TENM3: variants seen among roughly 807,000 people sequenced by gnomAD.
TENM3 encodes teneurin transmembrane protein 3.
TENM3 carries 63 observed loss-of-function variants against 255.1 expected under a neutral mutation model. The observed-to-expected ratio is 0.25, with a 90% CI of 0.20 to 0.30. The LOEUF (loss-of-function observed/expected upper bound fraction) is 0.30. TENM3 is among the 10% of genes least tolerant of loss of function. The pLI is 1.00. For synonymous variants in TENM3, 1,306 were observed against 1,322.3 expected, an observed-to-expected ratio of 0.99 and a Z score of 0.27; for missense variants, 2,929 against 3,461.1, an observed-to-expected ratio of 0.85 and a Z score of 3.86.
intron 3 of TENM3, among the ~76,000 whole-genome samples, chr4:182,562,754 G>A (rs556489177): frequency 2.0e-5 from 3 of 152,062 alleles, no homozygotes; most frequent in African/African-American, 7.2e-5. Flanking sequence ...CCAACTTTGT[G>A]GGGGGTGCAA....
chr4:181,601,335 ACTGT>A, the TENM3 span, among the ~76,000 whole-genome samples: 75 of 152,272 alleles, frequency 4.9e-4, 1 homozygote, highest in South Asian at 7.9e-3. Context: ...ACAAAATACC[ACTGT>A]CTGGGTGACT....
chr4:182,757,739 A>G (rs891375376), intron 22 of TENM3, among the ~76,000 whole-genome samples: 12 of 152,246 alleles, frequency 7.9e-5, no homozygotes, highest in African/African-American at 2.9e-4. Flanking sequence ...GACTGGCTGA[A>G]GTAGAGGTTG....
At chr4:181,916,223 T>C in the TENM3 span, among the ~76,000 whole-genome samples, 2 of 152,178 alleles carry the variant, frequency 1.3e-5, no homozygotes, top group African/African-American at 2.4e-5. Flanking sequence ...CCCTCTGATA[T>C]TCTAGGCTAG....
At chr4:182,670,687 A>G (rs1306987789) in intron 6 of TENM3, among the ~76,000 whole-genome samples, 1 of 151,982 alleles carries the variant, frequency 6.6e-6, no homozygotes, top group Non-Finnish European at 1.5e-5. Context: ...TCTCCCTCAA[A>G]CCTCACATTT....
rs114998206 is a variant in TENM3 at position 182,641,230 on chromosome 4, G to A, written c.988+12341G>A. 4.3e-3 allele frequency among the ~76,000 whole-genome samples: 652 copies of A among 152,254 alleles called. 7 individuals carry two copies. Among genetic ancestry groups the A allele is most frequent in the African/African-American group, 0.015 (607 of 41,540 alleles). ...CACACACACGTATACACACACTCAC[G>A]AATCAGTGTCTGTCTCAAATGTAAC... On this transcript the variant is annotated intron_variant, in intron 5 of 27. Transcript: ENST00000511685.
chr4:182,776,445 C>T (rs567320254), intron 24 of TENM3, among the ~76,000 whole-genome samples: 1 of 152,118 alleles, frequency 6.6e-6, no homozygotes, highest in Non-Finnish European at 1.5e-5. Flanking sequence ...GTTATATATT[C>T]CCTGACCCTA....
intron 1 of TENM3, among the ~76,000 whole-genome samples, chr4:182,317,424 C>A (rs1030299556): frequency 6.6e-6 from 1 of 152,080 alleles, no homozygotes; most frequent in Non-Finnish European, 1.5e-5. Context: ...CTCAGCCACC[C>A]AAGTAGCTGG....
At chr4:182,498,692 A>G (rs1414690971) in intron 3 of TENM3, among the ~76,000 whole-genome samples, 1 of 151,896 alleles carries the variant, frequency 6.6e-6, no homozygotes, top group Admixed American at 6.6e-5. Flanking sequence ...CGTCTCTACT[A>G]AAAATACAGA....
chr4:182,609,064 G>C (rs1165356836), intron 4 of TENM3, among the ~76,000 whole-genome samples: 1 of 152,208 alleles, frequency 6.6e-6, no homozygotes, highest in Admixed American at 6.5e-5. Context: ...GGCAACTCTT[G>C]GGGATGGGAC....
At chr4:182,746,216 C>A (rs1762001408) in intron 19 of TENM3, among the ~76,000 whole-genome samples, 1 of 152,118 alleles carries the variant, frequency 6.6e-6, no homozygotes, top group South Asian at 2.1e-4. Context: ...CTTAATCATA[C>A]CCGTGGTCCG....
the TENM3 span, among the ~76,000 whole-genome samples, chr4:181,642,484 A>G: frequency 6.6e-6 from 1 of 151,628 alleles, no homozygotes; most frequent in Non-Finnish European, 1.5e-5. Context: ...GGTAGATCCC[A>G]TTTGTCAATT....
At chr4:182,766,037 C>T (rs1308602657) in intron 22 of TENM3, among the ~76,000 whole-genome samples, 1 of 152,082 alleles carries the variant, frequency 6.6e-6, no homozygotes, top group Non-Finnish European at 1.5e-5. Context: ...TCCAAATGTG[C>T]CACCTACTTT....
chr4:181,494,582 G>A, the TENM3 span, among the ~76,000 whole-genome samples: 11 of 152,068 alleles, frequency 7.2e-5, no homozygotes, highest in African/African-American at 2.2e-4. Context: ...CACCGCACCC[G>A]GCTCAGCTTC....
chr4:182,355,093 G>A (rs1486555411), intron 3 of TENM3, among the ~76,000 whole-genome samples: 1 of 152,194 alleles, frequency 6.6e-6, no homozygotes, highest in Non-Finnish European at 1.5e-5. Flanking sequence ...GTCAGTGTCA[G>A]CCCAGAGCCG....
chr4:182,488,334 T>G (rs758795002), intron 3 of TENM3, among the ~76,000 whole-genome samples: 24 of 152,272 alleles, frequency 1.6e-4, no homozygotes, highest in Admixed American at 1.0e-3. Context: ...GTATCATGAT[T>G]TGGTGATGTA....
the TENM3 span, among the ~76,000 whole-genome samples, chr4:182,005,674 CATG>C: frequency 6.6e-6 from 1 of 152,186 alleles, no homozygotes; most frequent in Non-Finnish European, 1.5e-5. Flanking sequence ...TGGCCATTTT[CATG>C]ATATTGATTC....
the TENM3 span, among the ~76,000 whole-genome samples, chr4:181,891,276 C>T: frequency 6.6e-6 from 1 of 152,118 alleles, no homozygotes; most frequent in African/African-American, 2.4e-5. Flanking sequence ...GAGGAAAATG[C>T]ATCTAAAACA....
intron 1 of TENM3, among the ~76,000 whole-genome samples, chr4:182,288,083 G>C (rs112080657): frequency 6.6e-6 from 1 of 151,834 alleles, no homozygotes; most frequent in Non-Finnish European, 1.5e-5. Flanking sequence ...GATTACAGGC[G>C]TGCACCACCA....
intron 22 of TENM3, among the ~76,000 whole-genome samples, chr4:182,765,426 A>C (rs1172225046): frequency 6.6e-6 from 1 of 152,034 alleles, no homozygotes; most frequent in East Asian, 1.9e-4. Context: ...CTTCCCTTGT[A>C]TTTTGCATCA....
Sources: gnomAD v4.1 joint callset for allele counts (sites outside exome capture counted in the v4.1 genomes callset) on GRCh38, gnomAD v4.1.1 for gene constraint, MANE v1.5 for transcripts, NCBI Gene and HGNC (gene_info 2026-07-23, HGNC 2026-07-21) for gene names.